The following DOCK4 variants were observed in gnomAD, a reference collection of about 807,000 sequenced individuals.
The protein encoded by DOCK4 is dedicator of cytokinesis 4, also known as dedicator of cytokinesis protein 4.
A neutral mutation model predicts 268.1 loss-of-function variants in DOCK4; 97 were observed. The ratio of observed to expected loss-of-function variants is 0.36; its 90% CI spans 0.31 to 0.43. The LOEUF (loss-of-function observed/expected upper bound fraction) is 0.43. Ranked by LOEUF, DOCK4 falls within the 20% of genes least tolerant of loss-of-function variation. The pLI, the probability that DOCK4 is intolerant of heterozygous loss-of-function variation, is 1.00. For missense variants in DOCK4, 2,145 were observed against 2,455.7 expected (o/e 0.87, Z 2.67); for synonymous variants, 954 against 887.2 (o/e 1.08, Z -1.34).
intron 1 of DOCK4, among the ~76,000 whole-genome samples, chr7:112,028,104 A>G (rs1303858541): frequency 2.0e-5 from 3 of 152,236 alleles, no homozygotes; most frequent in Admixed American, 1.3e-4. Context: ...GGAAAGGAAC[A>G]GCAAGCCATC....
At chr7:111,835,285 T>C (rs1167804918) in intron 25 of DOCK4, among the ~76,000 whole-genome samples, 1 of 152,180 alleles carries the variant, frequency 6.6e-6, no homozygotes, top group African/African-American at 2.4e-5. Flanking sequence ...ACTCACAGGG[T>C]ATAATGAATG....
At chr7:111,863,102 G>T in intron 23 of DOCK4, 1 of 395,476 alleles carries the variant, frequency 2.5e-6, no homozygotes, top group African/African-American at 2.1e-5. Context: ...ATCCTATCAG[G>T]TACCTGTAAG....
intron 35 of DOCK4, among the ~76,000 whole-genome samples, 177 bp downstream of exon 35, chr7:111,782,687 C>A (rs1207360605): frequency 6.6e-6 from 1 of 152,100 alleles, no homozygotes; most frequent in Non-Finnish European, 1.5e-5. Flanking sequence ...TGAGGATTTC[C>A]TGGACTTTAA....
intron 44 of DOCK4, 116 bp from the exon 45 acceptor site, chr7:111,742,248 C>T (rs1194130074): frequency 1.8e-6 from 2 of 1,115,758 alleles, no homozygotes; most frequent in Non-Finnish European, 2.4e-6. Context: ...AATCCTCTGC[C>T]TCTGACAAGG....
chr7:111,945,482 C>T (rs533084650), intron 9 of DOCK4, among the ~76,000 whole-genome samples: 4 of 152,090 alleles, frequency 2.6e-5, no homozygotes, highest in South Asian at 2.1e-4. Flanking sequence ...CACCGTGCCC[C>T]GCAATCACTG....
At chr7:111,862,537 CT>C (rs1211243906) in intron 23 of DOCK4, among the ~76,000 whole-genome samples, 1 of 119,458 alleles carries the variant, frequency 8.4e-6, no homozygotes, top group Non-Finnish European at 1.6e-5. Flanking sequence ...GTTGCCCAGG[CT>C]GGAGTGCAGT....
At chr7:111,753,649 A>T (rs1796836670) in intron 42 of DOCK4, among the ~76,000 whole-genome samples, 1 of 152,232 alleles carries the variant, frequency 6.6e-6, no homozygotes, top group Non-Finnish European at 1.5e-5. Context: ...TGACATCTGC[A>T]GATGAGGAAT....
intron 11 of DOCK4, among the ~76,000 whole-genome samples, chr7:111,939,534 A>T (rs1472187656): frequency 6.6e-6 from 1 of 151,308 alleles, no homozygotes; most frequent in African/African-American, 2.4e-5. Flanking sequence ...AAAAAAAAAA[A>T]TTTACTTATG....
At chr7:111,923,744 T>C (rs762189926) in intron 12 of DOCK4, among the ~76,000 whole-genome samples, 21 of 152,336 alleles carry the variant, frequency 1.4e-4, no homozygotes, top group Non-Finnish European at 2.5e-4. Flanking sequence ...TCCTACTAGA[T>C]GTATGCTGGT....
chr7:111,938,572 G>T (rs1460898664), intron 11 of DOCK4, among the ~76,000 whole-genome samples: 1 of 152,060 alleles, frequency 6.6e-6, no homozygotes, highest in Non-Finnish European at 1.5e-5. Flanking sequence ...GTGGCACGGT[G>T]GTGTGGGCCA....
intron 16 of DOCK4, among the ~76,000 whole-genome samples, chr7:111,887,166 G>C (rs185686420): frequency 5.9e-5 from 9 of 152,284 alleles, no homozygotes; most frequent in African/African-American, 2.2e-4. Context: ...AGACATGGTG[G>C]GTAAATGTGA....
chr7:112,198,071 G>A (rs370798479), intron 1 of DOCK4, among the ~76,000 whole-genome samples: 12 of 151,482 alleles, frequency 7.9e-5, no homozygotes, highest in East Asian at 5.8e-4. Context: ...TATAAATCAC[G>A]TTTATATGCC....
At chr7:112,191,835 G>C (rs1367514776) in intron 1 of DOCK4, among the ~76,000 whole-genome samples, 1 of 151,748 alleles carries the variant, frequency 6.6e-6, no homozygotes, top group Non-Finnish European at 1.5e-5. Context: ...CCCAGCCCTT[G>C]GTAAGCATTC....
intron 8 of DOCK4, among the ~76,000 whole-genome samples, chr7:111,968,452 T>C (rs1193422140): frequency 2.2e-5 from 2 of 89,240 alleles, no homozygotes; most frequent in Admixed American, 2.1e-4. Flanking sequence ...AAAAAACACA[T>C]GAAGAAATGC....
intron 30 of DOCK4, among the ~76,000 whole-genome samples, chr7:111,791,446 C>T (rs1002368206): frequency 1.3e-5 from 2 of 150,950 alleles, no homozygotes; most frequent in East Asian, 3.9e-4. Flanking sequence ...TCTCGAGTGT[C>T]TGTTTTTTTT....
At chr7:112,189,746 GTT>G (rs57399750) in intron 1 of DOCK4, among the ~76,000 whole-genome samples, 3 of 95,804 alleles carry the variant, frequency 3.1e-5, no homozygotes, top group East Asian at 3.2e-4. Flanking sequence ...TCTGGGTTTT[GTT>G]TTTTTTTTTT....
At chr7:112,072,524 A>G (rs1807687244) in intron 1 of DOCK4, among the ~76,000 whole-genome samples, 1 of 152,130 alleles carries the variant, frequency 6.6e-6, no homozygotes, top group Non-Finnish European at 1.5e-5. Flanking sequence ...TTCTCCAAAA[A>G]ACTAAAACTG....
At chr7:111,973,156 C>CATGCATATATAT (rs1554399516) in intron 8 of DOCK4, among the ~76,000 whole-genome samples, 2 of 114,062 alleles carry the variant, frequency 1.8e-5, no homozygotes, top group Non-Finnish European at 3.5e-5. Context: ...TATTCCATGG[C>CATGCATATATAT]ATATATATAT....
chr7:112,051,668 T>C (rs116465924), intron 1 of DOCK4, among the ~76,000 whole-genome samples: 5,670 of 152,140 alleles, frequency 0.037, 310 homozygotes, highest in African/African-American at 0.12. Flanking sequence ...GCTGCAAATA[T>C]ATTTTCAATA....
Sources: allele counts gnomAD v4.1 joint callset (sites outside exome capture counted in the v4.1 genomes callset), GRCh38; gene constraint gnomAD v4.1.1; transcripts MANE v1.5; gene names NCBI Gene and HGNC (gene_info 2026-07-23, HGNC 2026-07-21).